ZNF248: variants seen among roughly 807,000 people sequenced by gnomAD.
ZNF248 encodes the protein KRAB protein domain.
A neutral mutation model predicts 44.3 loss-of-function variants in ZNF248; 20 were observed. The ratio of observed to expected loss-of-function variants is 0.45; its 90% CI spans 0.32 to 0.66. ZNF248 has a LOEUF of 0.66. Among genes scored for constraint, ZNF248 ranks in the 30% least tolerant of loss-of-function variants. The probability of loss-of-function intolerance (pLI) is 0.04; values close to 1 mark genes in which losing one functional copy is unlikely to be tolerated. For missense variants in ZNF248, 654 were observed against 677.0 expected (o/e 0.97, Z 0.38); for synonymous variants, 224 against 229.0 (o/e 0.98, Z 0.20).
At chr10:37,819,660 C>T (rs2053135790) in intron 6 of ZNF248, 1 of 801,058 alleles carries the variant, frequency 1.2e-6, no homozygotes, top group East Asian at 2.4e-5. Context: ...TGGATCTCTG[C>T]TTCCTCCTTT....
chr10:37,828,805 C>T lies in ZNF248; in HGVS notation c.*2810G>A, dbSNP rs1258756733. On this transcript the variant is annotated 3_prime_UTR_variant, in exon 6 of 6. Transcript: ENST00000395867. ...ATTTATTTGGAAGAATACAGAGCTG[C>T]TTACCTTACACCACATACAATAAGA... is the stretch of plus-strand genomic sequence containing the variant. 2 of 985,268 alleles carry T rather than the reference C, an allele frequency of 2.0e-6. No homozygotes were observed. Among genetic ancestry groups the T allele is most frequent in the East Asian group, 2.3e-4 (2 of 8,824 alleles). 61.0% of individuals were successfully genotyped at this position (985,268 alleles called of 1,614,324 possible). A position where few individuals can be genotyped will look rare whatever the true frequency, so the allele number is the denominator to read the frequency against.
chr10:37,803,673 G>A (rs1479663602), intron 6 of ZNF248: 4 of 152,204 alleles, frequency 2.6e-5, no homozygotes, highest in Non-Finnish European at 4.4e-5. Flanking sequence ...TACCTCAAAA[G>A]CTACTTTATT....
downstream of ZNF248, among the ~76,000 whole-genome samples, chr10:37,771,615 G>A (rs376414237): frequency 3.4e-5 from 5 of 145,752 alleles, no homozygotes; most frequent in African/African-American, 7.7e-5. Context: ...CACACTCCGC[G>A]GACTGTTGTG....
the ZNF248 span, among the ~76,000 whole-genome samples, chr10:37,763,017 C>T: frequency 5.3e-5 from 8 of 152,138 alleles, no homozygotes; most frequent in African/African-American, 1.7e-4. Flanking sequence ...TAACAATGGT[C>T]ATTTCCATTA....
At chr10:37,796,869 G>T (rs1394557777) in intron 6 of ZNF248, among the ~76,000 whole-genome samples, 1 of 151,812 alleles carries the variant, frequency 6.6e-6, no homozygotes, top group Non-Finnish European at 1.5e-5. Flanking sequence ...ATAAACATTA[G>T]GAAGACAAAA....
At chr10:37,793,631 C>A (rs2048815250) in intron 6 of ZNF248, among the ~76,000 whole-genome samples, 1 of 152,186 alleles carries the variant, frequency 6.6e-6, no homozygotes, top group African/African-American at 2.4e-5. Flanking sequence ...TCTATACCCA[C>A]TTATTCTGGA....
At chr10:37,765,182 C>G in the ZNF248 span, among the ~76,000 whole-genome samples, 1 of 152,116 alleles carries the variant, frequency 6.6e-6, no homozygotes, top group Non-Finnish European at 1.5e-5. Context: ...GTCTCGAACT[C>G]TTGACCTCAG....
chr10:37,822,653 G>A (rs1367898216), intron 6 of ZNF248, among the ~76,000 whole-genome samples: 2 of 149,704 alleles, frequency 1.3e-5, no homozygotes, highest in East Asian at 3.9e-4. Context: ...ATCTTGATCA[G>A]GGGTGTCCAA....
downstream of ZNF248, among the ~76,000 whole-genome samples, chr10:37,774,395 A>G (rs1477747589): frequency 2.0e-5 from 3 of 152,250 alleles, no homozygotes; most frequent in Non-Finnish European, 2.9e-5. Flanking sequence ...TCACTTTAAA[A>G]GCGCTAAATT....
At chr10:37,771,460 A>G in the ZNF248 span, among the ~76,000 whole-genome samples, 1 of 152,188 alleles carries the variant, frequency 6.6e-6, no homozygotes, top group Admixed American at 6.5e-5. Context: ...TGAAGAGTTC[A>G]TGTCCTTTGT....
intron 6 of ZNF248, chr10:37,820,404 T>C (rs111722501): frequency 3.2e-5 from 48 of 1,515,916 alleles, no homozygotes; most frequent in African/African-American, 1.8e-4. Flanking sequence ...CATGAGGCTG[T>C]TGGCAGAGCA....
chr10:37,786,487 A>G (rs543173133), intron 6 of ZNF248, among the ~76,000 whole-genome samples: 1 of 152,338 alleles, frequency 6.6e-6, no homozygotes, highest in South Asian at 2.1e-4. Context: ...AGTAAAAATT[A>G]GAAAAACAAG....
Position 37,832,194 on chromosome 10 carries a change from T to C in ZNF248, c.1161A>G (p.Lys387=). 1.2e-6 allele frequency: 2 copies of C among 1,614,102 alleles called. No homozygotes were observed. The highest frequency in any genetic ancestry group is 1.1e-5 in the South Asian group (1 of 91,078). The change falls in exon 6 of 6, where the codon AAA becomes AAG. Residue 387 remains lysine (K), a synonymous_variant. Transcript: ENST00000395867. ...TGAGGTTTGACTTCTCCCAGAAGGT[T>C]TTCCCACATTCACCACATTCAAAGG... ...EKTFECGECG[K]TFWEKSNLTQ... is the part of the protein sequence containing the mutation.
At chr10:37,843,933 T>A (rs1248805925) in intron 3 of ZNF248, among the ~76,000 whole-genome samples, 1 of 151,970 alleles carries the variant, frequency 6.6e-6, no homozygotes, top group African/African-American at 2.4e-5. Context: ...CACCTTTGAG[T>A]GGACTATCTA....
Position 37,848,800 on chromosome 10 carries a change from A to G in ZNF248, c.15+7496T>C, listed in dbSNP as rs537162235. 4.6e-5 allele frequency among the ~76,000 whole-genome samples: 7 copies of G among 152,314 alleles called. No homozygotes were observed. The South Asian group carries it at 6.2e-4, about 14-fold the overall frequency. On this transcript the variant is annotated intron_variant, in intron 3 of 5. Transcript: ENST00000395867. ...ATGTTTCCTTACCAATTCATCTACAATCCTTGAATTGGCCTTTCCATTGTG... is the reference window on the plus strand; with the variant it reads ...ATGTTTCCTTACCAATTCATCTACAGTCCTTGAATTGGCCTTTCCATTGTG...
the ZNF248 span, among the ~76,000 whole-genome samples, chr10:37,766,701 C>A: frequency 6.6e-6 from 1 of 152,170 alleles, no homozygotes; most frequent in East Asian, 1.9e-4. Context: ...ACTGGAAACT[C>A]TAAAAAGCAG....
chr10:37,854,038 G>A (rs2060824024), intron 3 of ZNF248, among the ~76,000 whole-genome samples: 2 of 152,168 alleles, frequency 1.3e-5, no homozygotes, highest in South Asian at 4.1e-4. Context: ...CACACATCGG[G>A]GGGTGGAGTA....
At chr10:37,774,006 C>T (rs2046388895), downstream of ZNF248, among the ~76,000 whole-genome samples, 1 of 152,100 alleles carries the variant, frequency 6.6e-6, no homozygotes, top group African/African-American at 2.4e-5. Flanking sequence ...CACACACACA[C>T]ACACAGGCAC....
intron 3 of ZNF248, among the ~76,000 whole-genome samples, chr10:37,849,871 G>A (rs1376418211): frequency 6.6e-6 from 1 of 152,130 alleles, no homozygotes; most frequent in Non-Finnish European, 1.5e-5. Flanking sequence ...AGGAGTTCAA[G>A]ACCAGCCTGG....
Sources: allele counts gnomAD v4.1 joint callset (sites outside exome capture counted in the v4.1 genomes callset), GRCh38; gene constraint gnomAD v4.1.1; transcripts MANE v1.5; gene names NCBI Gene and HGNC (gene_info 2026-07-23, HGNC 2026-07-21).